The following ATF6 variants were observed in gnomAD, a reference collection of about 807,000 sequenced individuals.
ATF6 encodes the protein cyclic AMP-dependent transcription factor ATF-6 alpha.
ATF6 carries 53 observed loss-of-function variants against 83.6 expected under a neutral mutation model. The ratio of observed to expected loss-of-function variants is 0.63; its 90% CI spans 0.51 to 0.80. ATF6 has a LOEUF of 0.80. Ranked by LOEUF, ATF6 falls within the 30% of genes least tolerant of loss-of-function variation. The probability of loss-of-function intolerance (pLI) is 0.00; values close to 1 mark genes in which losing one functional copy is unlikely to be tolerated. For synonymous variants in ATF6, 288 were observed against 285.8 expected (o/e 1.01, Z -0.08); for missense variants, 744 against 797.9 (o/e 0.93, Z 0.81).
At chr1:161,805,886 T>G (rs745526158) in intron 7 of ATF6, among the ~76,000 whole-genome samples, 2 of 152,124 alleles carry the variant, frequency 1.3e-5, no homozygotes, top group Admixed American at 6.6e-5. Flanking sequence ...CTTTTTTAGT[T>G]CTTTTGTTTG....
At chr1:161,928,955 C>T (rs1264945465) in intron 15 of ATF6, among the ~76,000 whole-genome samples, 1 of 152,184 alleles carries the variant, frequency 6.6e-6, no homozygotes, top group African/African-American at 2.4e-5. Flanking sequence ...CCATTCTGTT[C>T]TCCCTTTTAC....
intron 15 of ATF6, among the ~76,000 whole-genome samples, chr1:161,947,898 C>G (rs1009825581): frequency 1.5e-5 from 2 of 129,316 alleles, no homozygotes; most frequent in African/African-American, 5.7e-5. Context: ...GATCTCAGCT[C>G]ACTACAACCT....
intron 3 of ATF6, among the ~76,000 whole-genome samples, chr1:161,783,082 G>A (rs1479023736): frequency 2.6e-5 from 4 of 152,188 alleles, no homozygotes; most frequent in Admixed American, 2.6e-4. Context: ...CCTGCATAGG[G>A]CCTCTTTGTG....
At chr1:161,771,924 T>C (rs1261537052) in intron 1 of ATF6, among the ~76,000 whole-genome samples, 1 of 152,252 alleles carries the variant, frequency 6.6e-6, no homozygotes, top group East Asian at 1.9e-4. Flanking sequence ...ACCTCCTCTT[T>C]ATCACTGATC....
intron 6 of ATF6, among the ~76,000 whole-genome samples, chr1:161,800,011 TAG>T (rs557880386): frequency 6.6e-6 from 1 of 152,168 alleles, no homozygotes; most frequent in Non-Finnish European, 1.5e-5. Flanking sequence ...TTCATTTTGT[TAG>T]ATAGGCTCAA....
At chr1:161,866,281 G>A (rs541409435) in intron 14 of ATF6, among the ~76,000 whole-genome samples, 3 of 152,168 alleles carry the variant, frequency 2.0e-5, no homozygotes, top group East Asian at 3.9e-4. Flanking sequence ...TGACTGTTTC[G>A]TACTGTTATT....
In ATF6 at chr1:161,860,407, A is replaced by AAT. The variant is rs1227236639; in HGVS notation, c.1604+131_1604+132insTA. ...GAGTTTTATATTAGTCATATACTCT[A>AAT]AGATATATATATATATGTATATATA... On this transcript the variant is annotated intron_variant, in intron 13 of 15. Coordinates refer to ENST00000367942, the MANE Select transcript of ATF6 (RefSeq NM_007348.4). 4.5e-5 allele frequency: 13 copies of AAT among 286,304 alleles called. No individual in the cohort carries two copies. In the Admixed American group the frequency reaches 5.7e-4, roughly 13 times the overall value. The allele number at this position is 286,304 out of a possible 1,614,324, so 17.7% of individuals were successfully genotyped here.
At chr1:161,878,674 C>T (rs995200153) in intron 14 of ATF6, among the ~76,000 whole-genome samples, 18 of 152,060 alleles carry the variant, frequency 1.2e-4, no homozygotes, top group Admixed American at 6.6e-4. Flanking sequence ...GAGCGGTCAG[C>T]AAATAGGGAG....
intron 14 of ATF6, among the ~76,000 whole-genome samples, chr1:161,901,572 A>G (rs1217857701): frequency 6.6e-6 from 1 of 151,862 alleles, no homozygotes; most frequent in Non-Finnish European, 1.5e-5. Context: ...TTAATGGAAG[A>G]TAACAAGATT....
At position 161,767,788 on chromosome 1, in the gene ATF6, G is replaced by T. The variant is rs539630306; in HGVS notation, c.82+1346G>T. Among the ~76,000 whole-genome samples, 88 of 152,222 alleles carry T rather than the reference G, an allele frequency of 5.8e-4. 1 individual carries two copies. The South Asian group carries it at 0.017, about 30-fold the overall frequency. On this transcript the variant is annotated intron_variant, in intron 1 of 15. Coordinates refer to ENST00000367942, the MANE Select transcript of ATF6 (RefSeq NM_007348.4). ...TCCCTGGTTATTAATAAGACTACTT[G>T]AATATATTGGGTAGTTATGATTTAT...
chr1:161,920,404 C>G (rs146726480), intron 15 of ATF6, among the ~76,000 whole-genome samples: 28 of 148,712 alleles, frequency 1.9e-4, no homozygotes, highest in African/African-American at 6.9e-4. Flanking sequence ...ACGCCATTCT[C>G]CTGCCTCAGC....
chr1:161,778,216 C>A (rs751545172), intron 1 of ATF6, 28 bp from the exon 2 acceptor site: 1 of 1,586,682 alleles, frequency 6.3e-7, no homozygotes, highest in South Asian at 1.1e-5. Context: ...ATTGACAGTT[C>A]ATTTCTATTC....
At chr1:161,921,114 A>G (rs1321018589) in intron 15 of ATF6, among the ~76,000 whole-genome samples, 1 of 152,202 alleles carries the variant, frequency 6.6e-6, no homozygotes, top group African/African-American at 2.4e-5. Context: ...TGCTGTGTTG[A>G]GTCAACAACT....
chr1:161,934,772 T>C (rs556811532), intron 15 of ATF6, among the ~76,000 whole-genome samples: 1 of 152,338 alleles, frequency 6.6e-6, no homozygotes, highest in Non-Finnish European at 1.5e-5. Flanking sequence ...ATTCTACCAC[T>C]GAGAGCATTA....
chr1:161,917,289 G>A (rs1433168158), intron 15 of ATF6, among the ~76,000 whole-genome samples: 1 of 152,198 alleles, frequency 6.6e-6, no homozygotes, highest in Non-Finnish European at 1.5e-5. Flanking sequence ...ATTTTGGATT[G>A]TTTCAGATTG....
At chr1:161,925,777 A>C (rs986974956) in intron 15 of ATF6, among the ~76,000 whole-genome samples, 4 of 152,220 alleles carry the variant, frequency 2.6e-5, no homozygotes, top group Non-Finnish European at 5.9e-5. Context: ...GGCACTGTCC[A>C]TTGTATCTAA....
chr1:161,853,360 A>G (rs763579515), intron 12 of ATF6, 37 bp downstream of exon 12: 16 of 1,530,738 alleles, frequency 1.0e-5, no homozygotes, highest in Non-Finnish European at 1.4e-5. Context: ...TAGTTGGCGT[A>G]TTTGTTGGAA....
At chr1:161,797,178 T>G (rs1348659000) in intron 6 of ATF6, among the ~76,000 whole-genome samples, 3 of 152,100 alleles carry the variant, frequency 2.0e-5, no homozygotes, top group Non-Finnish European at 4.4e-5. Context: ...CTCAAAATAA[T>G]AAGAACCATC....
intron 6 of ATF6, among the ~76,000 whole-genome samples, chr1:161,800,578 G>A (rs984626625): frequency 2.6e-5 from 4 of 152,194 alleles, no homozygotes; most frequent in Admixed American, 1.3e-4. Flanking sequence ...AAAATAATGT[G>A]TGCAGAGTAA....
Sources: allele counts gnomAD v4.1 joint callset (sites outside exome capture counted in the v4.1 genomes callset), GRCh38; gene constraint gnomAD v4.1.1; transcripts MANE v1.5; gene names NCBI Gene and HGNC (gene_info 2026-07-23, HGNC 2026-07-21).